The following KIAA1328 variants were observed in gnomAD, a reference collection of about 807,000 sequenced individuals.
KIAA1328 encodes KIAA1328, also known as protein hinderin.
In KIAA1328, 52 loss-of-function variants were observed where a neutral mutation model predicts 68.1. The ratio of observed to expected loss-of-function variants is 0.76; its 90% CI spans 0.61 to 0.96. The LOEUF is 0.96. Ranked by LOEUF, KIAA1328 falls within the 40% of genes least tolerant of loss-of-function variation. The pLI is 0.00. For synonymous variants in KIAA1328, 232 were observed against 239.4 expected (o/e 0.97, Z 0.28); for missense variants, 641 against 677.6 (o/e 0.95, Z 0.60).
intron 6 of KIAA1328, among the ~76,000 whole-genome samples, chr18:37,056,149 C>T (rs895110297): frequency 5.3e-4 from 80 of 151,948 alleles, no homozygotes; most frequent in African/African-American, 9.7e-5. Context: ...CATGTGAGAA[C>T]GTGAGAAAAT....
chr18:37,193,814 G>T, intron 9 of KIAA1328: 2 of 584,976 alleles, frequency 3.4e-6, no homozygotes, highest in South Asian at 2.1e-5. Context: ...CTGAAAAGTG[G>T]GTTTCCTCAC....
intron 2 of KIAA1328, among the ~76,000 whole-genome samples, chr18:36,834,844 G>C (rs1382632218): frequency 6.6e-6 from 1 of 152,062 alleles, no homozygotes; most frequent in African/African-American, 2.4e-5. Flanking sequence ...GTTTTAATGT[G>C]ACTTATGAAT....
At chr18:37,193,563 A>G (rs1193898116) in intron 9 of KIAA1328, 1 of 702,272 alleles carries the variant, frequency 1.4e-6, no homozygotes. Context: ...TGAACCACTC[A>G]TGGACATTTT....
chr18:37,122,242 C>T (rs1319986535), intron 7 of KIAA1328, among the ~76,000 whole-genome samples: 1 of 151,954 alleles, frequency 6.6e-6, no homozygotes, highest in Admixed American at 6.6e-5. Flanking sequence ...ATTATTGTGT[C>T]GTGCTTAAAG....
intron 7 of KIAA1328, among the ~76,000 whole-genome samples, chr18:37,077,984 A>C (rs2056806238): frequency 6.6e-6 from 1 of 152,212 alleles, no homozygotes; most frequent in Non-Finnish European, 1.5e-5. Context: ...ACTACTTTAA[A>C]GTTCATATGG....
chr18:36,830,921 A>G (rs1393327870), intron 1 of KIAA1328, among the ~76,000 whole-genome samples: 4 of 152,252 alleles, frequency 2.6e-5, no homozygotes, highest in Non-Finnish European at 5.9e-5. Context: ...CGTAATGACC[A>G]GTTAACATCG....
chr18:37,146,053 CCTT>C (rs535691385), intron 7 of KIAA1328, among the ~76,000 whole-genome samples: 7 of 151,922 alleles, frequency 4.6e-5, no homozygotes, highest in Non-Finnish European at 1.0e-4. Context: ...CTTTTCTGCT[CCTT>C]TTTTTGGGGA....
chr18:37,224,905 T>G lies in KIAA1328; in HGVS notation c.*2678T>G, dbSNP rs1333718568. 14 of 985,440 alleles carry G rather than the reference T, an allele frequency of 1.4e-5. No individual in the cohort carries two copies. Among genetic ancestry groups the G allele is most frequent in the Non-Finnish European group, 1.7e-5 (14 of 829,934 alleles). The allele number at this position is 985,440 out of a possible 1,614,324, so 61.0% of individuals were successfully genotyped here. A position where few individuals can be genotyped will look rare whatever the true frequency, so the allele number is the denominator to read the frequency against. ...GACACAGCATGTCCTTTGAACTCCCTAAGTAAGGCCCACAGTTCTTGATGC... is the reference window on the plus strand; with the variant it reads ...GACACAGCATGTCCTTTGAACTCCCGAAGTAAGGCCCACAGTTCTTGATGC... On this transcript the variant is annotated 3_prime_UTR_variant, in exon 10 of 10. Transcript: ENST00000280020.
At chr18:37,213,719 G>T (rs1380196843) in intron 9 of KIAA1328, among the ~76,000 whole-genome samples, 1 of 152,082 alleles carries the variant, frequency 6.6e-6, no homozygotes, top group Admixed American at 6.5e-5. Flanking sequence ...TTGAGGAATC[G>T]CCACACTGTC....
intron 9 of KIAA1328, among the ~76,000 whole-genome samples, chr18:37,202,362 G>A (rs949471007): frequency 1.3e-5 from 2 of 152,142 alleles, no homozygotes; most frequent in African/African-American, 2.4e-5. Context: ...CCATCAGTTT[G>A]TTGTAGTTAT....
chr18:37,030,492 T>A (rs1430313000), intron 6 of KIAA1328, among the ~76,000 whole-genome samples: 2 of 152,154 alleles, frequency 1.3e-5, no homozygotes, highest in East Asian at 1.9e-4. Context: ...CTAATTTAAT[T>A]CCCTTATTGT....
At chr18:36,981,638 G>A (rs187940323) in intron 6 of KIAA1328, among the ~76,000 whole-genome samples, 307 of 152,242 alleles carry the variant, frequency 2.0e-3, no homozygotes, top group African/African-American at 7.0e-3. Context: ...CCAGGCTGAA[G>A]TGCAGTAGTG....
chr18:37,050,748 A>T (rs2055660015), intron 6 of KIAA1328, among the ~76,000 whole-genome samples: 1 of 152,236 alleles, frequency 6.6e-6, no homozygotes, highest in African/African-American at 2.4e-5. Flanking sequence ...GTTATTCAGC[A>T]TGTGAATCAC....
intron 5 of KIAA1328, among the ~76,000 whole-genome samples, chr18:36,934,301 A>G (rs888704474): frequency 3.3e-5 from 5 of 151,410 alleles, no homozygotes; most frequent in Non-Finnish European, 7.4e-5. Flanking sequence ...TATTTTTTTC[A>G]TATTTATTTT....
chr18:37,018,373 T>C (rs891461565), intron 6 of KIAA1328, among the ~76,000 whole-genome samples: 2 of 152,180 alleles, frequency 1.3e-5, no homozygotes, highest in African/African-American at 4.8e-5. Flanking sequence ...TGATTCATTC[T>C]TTTTCTCTAG....
chr18:36,957,890 CACT>C (rs1173175213), intron 5 of KIAA1328, among the ~76,000 whole-genome samples: 1 of 151,908 alleles, frequency 6.6e-6, no homozygotes, highest in East Asian at 1.9e-4. Context: ...GTGCAAACAC[CACT>C]ACTTTGTAAT....
chr18:36,955,414 A>AT (rs2051369688), intron 5 of KIAA1328, among the ~76,000 whole-genome samples: 1 of 149,504 alleles, frequency 6.7e-6, no homozygotes, highest in Non-Finnish European at 1.5e-5. Context: ...GGTTCAAGCG[A>AT]TTCTCCTGCC....
chr18:36,880,096 A>T (rs549580720), intron 4 of KIAA1328, among the ~76,000 whole-genome samples: 1 of 152,226 alleles, frequency 6.6e-6, no homozygotes, highest in East Asian at 1.9e-4. Flanking sequence ...TCCTGTAGCT[A>T]GCTTGGTGTC....
intron 5 of KIAA1328, chr18:36,902,427 C>T (rs993487619): frequency 2.0e-5 from 3 of 152,058 alleles, no homozygotes; most frequent in Admixed American, 1.3e-4. Context: ...ATTAACGTGC[C>T]GTGATATTTA....
Sources: allele counts gnomAD v4.1 joint callset (sites outside exome capture counted in the v4.1 genomes callset), GRCh38; gene constraint gnomAD v4.1.1; transcripts MANE v1.5; gene names NCBI Gene and HGNC (gene_info 2026-07-23, HGNC 2026-07-21).